The following ZNF233 variants were observed in gnomAD, a reference collection of about 807,000 sequenced individuals.
The protein encoded by ZNF233 is zinc finger protein 233.
A neutral mutation model predicts 11.6 loss-of-function variants in ZNF233; 7 were observed. That is an observed-to-expected ratio of 0.60 (90% confidence interval 0.34 to 1.13). The LOEUF (loss-of-function observed/expected upper bound fraction) is 1.13, where lower values mean the gene tolerates loss of function less well. ZNF233 is among the 50% of genes most tolerant of loss of function. ZNF233 has a pLI of 0.03. For missense variants in ZNF233, 711 were observed against 785.5 expected, an observed-to-expected ratio of 0.91 and a Z score of 1.13; for synonymous variants, 226 against 268.5, an observed-to-expected ratio of 0.84 and a Z score of 1.55.
chr19:44,266,415 C>T (rs1308191226), intron 3 of ZNF233, 91 bp downstream of exon 3: 2 of 1,373,250 alleles, frequency 1.5e-6, no homozygotes, highest in Admixed American at 2.7e-5. Flanking sequence ...TAAAATGCTT[C>T]CCTGAACTTG....
chr19:44,260,137 T>C lies in ZNF233; in HGVS notation c.-48+199T>C, dbSNP rs570243322. 2.4e-3 allele frequency: 583 copies of C among 246,016 alleles called. 7 individuals carry two copies. Among genetic ancestry groups the C allele is most frequent in the African/African-American group, 0.013 (555 of 42,786 alleles). 15.2% of individuals were successfully genotyped at this position (246,016 alleles called of 1,614,324 possible). A position where few individuals can be genotyped will look rare whatever the true frequency, so the allele number is the denominator to read the frequency against. On this transcript the variant is annotated intron_variant, in intron 1 of 4. Transcript: ENST00000683810. ...TGGTCGCACGTTTGGTTTGAAGGTC[T>C]CCCGGGCGCTCAAGTTCCCTCGCCT...
chr19:44,269,364 T>C lies in ZNF233; in HGVS notation c.238+2403T>C, dbSNP rs138341689. Among the ~76,000 whole-genome samples, 1,505 of 152,048 alleles carry C rather than the reference T, an allele frequency of 9.9e-3. 28 individuals carry two copies. Among genetic ancestry groups the C allele is most frequent in the African/African-American group, 0.034 (1,417 of 41,478 alleles). On this transcript the variant is annotated intron_variant, in intron 4 of 4. Transcript: ENST00000683810. ...AGGCTAGAGTGCAGTGGCGCAATCT[T>C]GGCTGGCTGCAACCTCTGCCTCTCA...
Position 44,273,230 on chromosome 19 carries a change from A to G in ZNF233, c.570A>G (p.Glu190=). ...TCTGGAGGAAAATGTATCTGAGAGA[A>G]CCACAGAATTATCAGAGTAGGTGTC... ...WDFWRKMYLR[E]PQNYQSRCQQ... is the part of the protein sequence containing the mutation. The change falls in exon 5 of 5, where the codon GAA becomes GAG. Residue 190 remains glutamate (E), a synonymous_variant. Transcript: ENST00000683810. 1 of 1,613,806 alleles carries G rather than the reference A, an allele frequency of 6.2e-7. No individual in the cohort carries two copies. Among genetic ancestry groups the G allele is most frequent in the Non-Finnish European group, 8.5e-7 (1 of 1,180,036 alleles).
rs780844289 is a variant in ZNF233 at position 44,274,259 on chromosome 19, G to A, written c.1599G>A (p.Glu533=). 5.6e-6 allele frequency: 9 copies of A among 1,610,148 alleles called. No individual in the cohort carries two copies. The highest frequency in any genetic ancestry group is 7.6e-6 in the Non-Finnish European group (9 of 1,176,828). ...LQAHQRVHKG[E]KPYKCETCGK... ...CCCATCAGAGAGTTCACAAAGGAGA[G>A]AAGCCATACAAATGTGAGACATGTG... The change falls in exon 5 of 5, where the codon GAG becomes GAA. Residue 533 remains glutamate (E), a synonymous_variant. Coordinates refer to ENST00000683810, the MANE Select transcript of ZNF233 (RefSeq NM_001207005.2).
At chr19:44,269,533 A>C (rs183527866) in intron 4 of ZNF233, among the ~76,000 whole-genome samples, 91 of 152,206 alleles carry the variant, frequency 6.0e-4, no homozygotes, top group African/African-American at 2.0e-3. Flanking sequence ...TGACCTTGTG[A>C]TCTGCCCACG....
Position 44,273,765 on chromosome 19 carries a change from T to C in ZNF233, c.1105T>C (p.Leu369=), listed in dbSNP as rs199506824. ...TGAGCTTACTCACCCAGGAGAGAAG[T>C]TGTGTACATGTGGCAGGTGTGGGAA... ...SHELTHPGEK[L]CTCGRCGKGF... is the part of the protein sequence containing the mutation. The change falls in exon 5 of 5, where the codon TTG becomes CTG. Residue 369 remains leucine (L), a synonymous_variant. Coordinates refer to ENST00000683810, the MANE Select transcript of ZNF233 (RefSeq NM_001207005.2). 1.1e-5 allele frequency: 18 copies of C among 1,614,086 alleles called. No individual in the cohort carries two copies. Among genetic ancestry groups the C allele is most frequent in the Middle Eastern group, 1.7e-4 (1 of 6,058 alleles).
At position 44,273,727 on chromosome 19, in the gene ZNF233, G is replaced by A. The variant is rs371378611; in HGVS notation, c.1067G>A (p.Cys356Tyr). 54 of 1,614,042 alleles carry A rather than the reference G, an allele frequency of 3.3e-5. No individual in the cohort carries two copies. The African/African-American group carries it at 6.9e-4, about 21-fold the overall frequency. Residue 356 changes from cysteine (C) to tyrosine (Y), a missense_variant, in exon 5 of 5, where the codon TGT becomes TAT. Transcript: ENST00000683810. The part of the protein sequence containing the change: ...VYARSSNQNS[C>Y]LPSHELTHPG... Reference sequence around the variant, plus strand: ...GCCCGGAGCTCCAACCAGAACTCCTGTCTTCCCTCTCATGAGCTTACTCAC... The same window carrying A: ...GCCCGGAGCTCCAACCAGAACTCCTATCTTCCCTCTCATGAGCTTACTCAC...
intron 4 of ZNF233, among the ~76,000 whole-genome samples, chr19:44,268,611 T>C (rs1001599213): frequency 3.9e-5 from 6 of 152,160 alleles, no homozygotes; most frequent in African/African-American, 1.4e-4. Flanking sequence ...CCGATGTCAG[T>C]AACGTCAGTT....
At position 44,273,364 on chromosome 19, in the gene ZNF233, G is replaced by T. The variant is rs764807478; in HGVS notation, c.704G>T (p.Ser235Ile). The change falls in exon 5 of 5, where the codon AGC becomes ATC. Residue 235 changes from serine (S) to isoleucine (I), a missense_variant. Physicochemically the swap from Ser to Ile is moderately radical, Grantham distance 142. Coordinates refer to ENST00000683810, the MANE Select transcript of ZNF233 (RefSeq NM_001207005.2). ...HGVHKREKAF[S>I]HNNCGKDCVK... ...GTACACAAAAGAGAGAAAGCTTTTAGCCACAATAATTGTGGAAAAGACTGT... is the reference window on the plus strand; with the variant it reads ...GTACACAAAAGAGAGAAAGCTTTTATCCACAATAATTGTGGAAAAGACTGT... 4.3e-6 allele frequency: 7 copies of T among 1,614,180 alleles called. No homozygotes were observed. In the South Asian group the frequency reaches 5.5e-5, roughly 13 times the overall value.
chr19:44,261,961 C>T (rs1233442), intron 1 of ZNF233, among the ~76,000 whole-genome samples: 35,813 of 152,012 alleles, frequency 0.24, 5,964 homozygotes, highest in African/African-American at 0.47. Flanking sequence ...CTAATGATTT[C>T]ACTTTTAAGG....
chr19:44,266,372 C>T, intron 3 of ZNF233, 48 bp downstream of exon 3: 1 of 1,457,086 alleles, frequency 6.9e-7, no homozygotes, highest in Non-Finnish European at 9.1e-7. Context: ...TCTGGACTGT[C>T]CTGCTTTCAA....
At position 44,274,972 on chromosome 19, in the gene ZNF233, G is replaced by A. The variant is rs970824768; in HGVS notation, c.*299G>A. Reference sequence around the variant, plus strand: ...CAATCAGAACCTTCACATCCAATAAGCAATATGCAGGAGTGAAGCCTTCAA... The same window carrying A: ...CAATCAGAACCTTCACATCCAATAAACAATATGCAGGAGTGAAGCCTTCAA... On this transcript the variant is annotated 3_prime_UTR_variant, in exon 5 of 5. Coordinates refer to ENST00000683810, the MANE Select transcript of ZNF233 (RefSeq NM_001207005.2). The A allele has an allele frequency of 1.2e-5, 5 of 423,568 alleles. No homozygotes were observed. Among genetic ancestry groups the A allele is most frequent in the Admixed American group, 3.8e-5 (1 of 26,096 alleles). The allele number at this position is 423,568 out of a possible 1,614,324, so 26.2% of individuals were successfully genotyped here.
chr19:44,273,525 G>A lies in ZNF233; in HGVS notation c.865G>A (p.Val289Ile). 1 of 1,614,232 alleles carries A rather than the reference G, an allele frequency of 6.2e-7. No individual in the cohort carries two copies. The highest frequency in any genetic ancestry group is 1.1e-5 in the South Asian group (1 of 91,084). ...CTTAAGAGACAAGCCTCATGTAAAT[G>A]TTGAGTACGGGAAGGGCATAGGTTA... is the stretch of plus-strand genomic sequence containing the variant. Reference protein sequence around the residue: ...LHLRDKPHVNVEYGKGIGYSS... With the variant: ...LHLRDKPHVNIEYGKGIGYSS... Residue 289 changes from valine (V) to isoleucine (I), a missense_variant, in exon 5 of 5, where the codon GTT (valine) becomes ATT (isoleucine). By Grantham distance (29) the Val-to-Ile change is conservative. Coordinates refer to ENST00000683810, the MANE Select transcript of ZNF233 (RefSeq NM_001207005.2).
At position 44,272,971 on chromosome 19, in the gene ZNF233, T is replaced by C. The variant is rs749598453; in HGVS notation, c.311T>C (p.Ile104Thr). Residue 104 changes from isoleucine (I) to threonine (T), a missense_variant, in exon 5 of 5, where the codon ATA becomes ACA. Physicochemically the swap from Ile to Thr is moderately conservative, Grantham distance 89. Coordinates refer to ENST00000683810, the MANE Select transcript of ZNF233 (RefSeq NM_001207005.2). ...AGATTCCTTTCATATGAAGACCTTA[T>C]ATGCTGGCAAATATGGGAACAATTT... The part of the protein sequence containing the change: ...RLRFLSYEDL[I>T]CWQIWEQFTS... 1.2e-4 allele frequency: 194 copies of C among 1,613,256 alleles called. No individual in the cohort carries two copies. Among genetic ancestry groups the C allele is most frequent in the Non-Finnish European group, 1.5e-4 (178 of 1,179,928 alleles).
Position 44,266,870 on chromosome 19 carries a change from T to C in ZNF233, c.147T>C (p.Tyr49=). ...TATGCCATTTCTTTTTCACAGGCTA[T>C]CAACCCTTCAAACTAGATGTGATAT... ...ENFRNLLSVG[Y]QPFKLDVILQ... is the part of the protein sequence containing the mutation. Residue 49 remains tyrosine (Y), a synonymous_variant, in exon 4 of 5, where the codon TAT becomes TAC. Coordinates refer to ENST00000683810, the MANE Select transcript of ZNF233 (RefSeq NM_001207005.2). The C allele has an allele frequency of 6.2e-7, 1 of 1,612,952 alleles. No homozygotes were observed. The highest frequency in any genetic ancestry group is 1.1e-5 in the South Asian group (1 of 90,996).
rs1004995735 is a variant in ZNF233, at chr19:44,269,245, A to G, written c.238+2284A>G. 2.1e-4 allele frequency among the ~76,000 whole-genome samples: 32 copies of G among 150,214 alleles called. 1 individual carries two copies. The highest frequency in any genetic ancestry group is 2.0e-3 in the Admixed American group (30 of 15,114). ...GTCCTTTTTTTTTTTCTTAACAGGT[A>G]GCTTCTTCCCAACTTCTTCTTTGCC... On this transcript the variant is annotated intron_variant, in intron 4 of 4. Coordinates refer to ENST00000683810, the MANE Select transcript of ZNF233 (RefSeq NM_001207005.2).
At position 44,274,840 on chromosome 19, in the gene ZNF233, A is replaced by T. The variant is rs1975350500; in HGVS notation, c.*167A>T. On this transcript the variant is annotated 3_prime_UTR_variant, in exon 5 of 5. Coordinates refer to ENST00000683810, the MANE Select transcript of ZNF233 (RefSeq NM_001207005.2). Reference sequence around the variant, plus strand: ...AGTTATCTGAATTCCATTGAAGAAAACCTATTTTTGTATGAATATGACCAG... The same window carrying T: ...AGTTATCTGAATTCCATTGAAGAAATCCTATTTTTGTATGAATATGACCAG... The T allele has an allele frequency of 1.4e-5, 9 of 623,726 alleles. No homozygotes were observed. The highest frequency in any genetic ancestry group is 2.3e-5 in the Non-Finnish European group (9 of 387,112). The allele number at this position is 623,726 out of a possible 1,614,324, so 38.6% of individuals were successfully genotyped here.
At chr19:44,269,587 C>T (rs1276269135) in intron 4 of ZNF233, among the ~76,000 whole-genome samples, 1 of 152,114 alleles carries the variant, frequency 6.6e-6, no homozygotes, top group African/African-American at 2.4e-5. Context: ...AGCCACTGCT[C>T]CCGGCCACAA....
At position 44,274,104 on chromosome 19, in the gene ZNF233, T is replaced by C; in HGVS notation, c.1444T>C (p.Cys482Arg). The change falls in exon 5 of 5, where the codon TGT becomes CGT. Residue 482 changes from cysteine (C) to arginine (R), a missense_variant. Physicochemically the swap from Cys to Arg is radical, Grantham distance 180 (BLOSUM62 -3). Transcript: ENST00000683810. ...CCACACTGGAGAGAAACCCTACAAATGTGATGTGTGTGATAAGAACTTCAG... is the reference window on the plus strand; with the variant it reads ...CCACACTGGAGAGAAACCCTACAAACGTGATGTGTGTGATAAGAACTTCAG... The part of the protein sequence containing the change: ...RIHTGEKPYK[C>R]DVCDKNFSRN... 1.2e-6 allele frequency: 2 copies of C among 1,613,874 alleles called. No individual in the cohort carries two copies. Among genetic ancestry groups the C allele is most frequent in the Non-Finnish European group, 1.7e-6 (2 of 1,179,930 alleles).
Sources: allele counts gnomAD v4.1 joint callset (sites outside exome capture counted in the v4.1 genomes callset), GRCh38; gene constraint gnomAD v4.1.1; transcripts MANE v1.5; gene names NCBI Gene and HGNC (gene_info 2026-07-23, HGNC 2026-07-21).